Variants in PPP1R13B observed in about 807,000 individuals in gnomAD.
PPP1R13B encodes protein phosphatase 1 regulatory subunit 13B.
A neutral mutation model predicts 119.8 loss-of-function variants in PPP1R13B; 44 were observed. The ratio of observed to expected loss-of-function variants is 0.37; its 90% CI spans 0.29 to 0.47. PPP1R13B has a LOEUF of 0.47. Ranked by LOEUF, PPP1R13B falls within the 20% of genes least tolerant of loss-of-function variation. The probability of loss-of-function intolerance (pLI) is 0.99; values close to 1 mark genes in which losing one functional copy is unlikely to be tolerated. For missense variants in PPP1R13B, 1,227 were observed against 1,413.5 expected (o/e 0.87, Z 2.12); for synonymous variants, 542 against 561.5 (o/e 0.97, Z 0.49).
chr14:103,780,750 G>A (rs2085318117), intron 3 of PPP1R13B, among the ~76,000 whole-genome samples: 1 of 150,684 alleles, frequency 6.6e-6, no homozygotes, highest in Admixed American at 6.6e-5. Context: ...GGAGGCGAAG[G>A]TTGCAGCCAA....
chr14:103,845,468 T>C (rs1228691178), intron 1 of PPP1R13B, among the ~76,000 whole-genome samples: 3 of 152,206 alleles, frequency 2.0e-5, no homozygotes, highest in Non-Finnish European at 2.9e-5. Context: ...GTAATAGACC[T>C]GTTTTTTTAA....
At position 103,738,839 on chromosome 14, in the gene PPP1R13B, AT is replaced by A; in HGVS notation, c.2731-28del. 1 of 1,613,644 alleles carries A rather than the reference AT, an allele frequency of 6.2e-7. No individual in the cohort carries two copies. Among genetic ancestry groups the A allele is most frequent in the Non-Finnish European group, 8.5e-7 (1 of 1,179,700 alleles). On this transcript the variant is annotated intron_variant, in intron 13 of 16. Coordinates refer to ENST00000202556, the MANE Select transcript of PPP1R13B (RefSeq NM_015316.3). The surrounding 1 kb of genome is among the most constrained non-coding windows in gnomAD (Gnocchi z 5.6). Reference sequence around the variant, plus strand: ...TAGGACACACGGCCTGTGAGCGCCCATCCCCTCGCCCCCAGCAGCGTGCACT... The same window carrying A: ...TAGGACACACGGCCTGTGAGCGCCCACCCCTCGCCCCCAGCAGCGTGCACT...
chr14:103,797,682 A>C lies in PPP1R13B; in HGVS notation c.10-164T>G, dbSNP rs1166131319. The stretch of plus-strand genomic sequence containing the variant: ...AGCTGATTCTAAAGTTCATGTAGAA[A>C]GATGAAAAAGACAAGTCAGGAAAAT... On this transcript the variant is annotated intron_variant, in intron 1 of 16. Coordinates refer to ENST00000202556, the MANE Select transcript of PPP1R13B (RefSeq NM_015316.3). 4.7e-5 allele frequency among the ~76,000 whole-genome samples: 7 copies of C among 147,964 alleles called. No homozygotes were observed. The Admixed American group carries it at 5.0e-4, about 11-fold the overall frequency.
chr14:103,830,967 G>A (rs1367213154), intron 1 of PPP1R13B, among the ~76,000 whole-genome samples: 4 of 141,264 alleles, frequency 2.8e-5, no homozygotes, highest in East Asian at 4.1e-4. Flanking sequence ...TTTTTGAGAC[G>A]AAGTCTCACT....
Position 103,834,621 on chromosome 14 carries a change from G to A in PPP1R13B, c.9+12678C>T, listed in dbSNP as rs188293801. Among the ~76,000 whole-genome samples, 1,074 of 117,464 alleles carry A rather than the reference G, an allele frequency of 9.1e-3. 13 individuals are homozygous for A. Among genetic ancestry groups the A allele is most frequent in the African/African-American group, 0.034 (981 of 29,106 alleles). 77.1% of individuals were successfully genotyped at this position (117,464 alleles called of 152,430 possible). ...TTTTTTTTTTTTGAGACCGAGTTTC[G>A]CTCTTGTTGCCCAGGCTGGAGGGCA... On this transcript the variant is annotated intron_variant, in intron 1 of 16. Transcript: ENST00000202556.
At chr14:103,736,256 G>A in intron 15 of PPP1R13B, 54 bp from the exon 16 acceptor site, 1 of 1,565,036 alleles carries the variant, frequency 6.4e-7, no homozygotes, top group South Asian at 1.1e-5. Flanking sequence ...TGCAGCAAGG[G>A]ACCCTGCTCG....
Position 103,749,911 on chromosome 14 carries a change from T to C in PPP1R13B, c.852A>G (p.Glu284=), listed in dbSNP as rs374135998. Residue 284 remains glutamate, a synonymous_variant, in exon 8 of 17, where the codon GAA becomes GAG. Transcript: ENST00000202556. ...ELQIRNQLNQ[E]QNSKLQQQKE... ...TCTGCTGCTGAAGTTTTGAATTTTG[T>C]TCCTGGTTAAGTTGGTTACGAATCT... is the stretch of plus-strand genomic sequence containing the variant. 4.3e-6 allele frequency: 7 copies of C among 1,614,108 alleles called. No individual in the cohort carries two copies. The highest frequency in any genetic ancestry group is 3.4e-6 in the Non-Finnish European group (4 of 1,180,008).
At chr14:103,819,033 G>C (rs973940631) in intron 1 of PPP1R13B, among the ~76,000 whole-genome samples, 1 of 152,126 alleles carries the variant, frequency 6.6e-6, no homozygotes, top group African/African-American at 2.4e-5. Flanking sequence ...GGAGGAGAAA[G>C]GATGAGCCAT....
intron 1 of PPP1R13B, among the ~76,000 whole-genome samples, chr14:103,845,232 T>C (rs1325623114): frequency 1.3e-5 from 1 of 79,422 alleles, no homozygotes; most frequent in Non-Finnish European, 2.3e-5. Context: ...TTATTTACAT[T>C]TTTGGATAGT....
intron 4 of PPP1R13B, among the ~76,000 whole-genome samples, chr14:103,761,274 T>TAAAAA (rs59281762): frequency 1.9e-5 from 2 of 104,708 alleles, no homozygotes; most frequent in African/African-American, 3.9e-5. Flanking sequence ...ACCCTATATT[T>TAAAAA]AAAAAAAAAA....
chr14:103,808,591 C>A (rs1870878993), intron 1 of PPP1R13B, among the ~76,000 whole-genome samples: 1 of 152,194 alleles, frequency 6.6e-6, no homozygotes, highest in Admixed American at 6.6e-5. Flanking sequence ...AAGCTTCTTT[C>A]CACAAGGTGG....
chr14:103,757,874 A>T, intron 4 of PPP1R13B, 123 bp from the exon 5 acceptor site: 1 of 629,944 alleles, frequency 1.6e-6, no homozygotes, highest in Non-Finnish European at 2.6e-6. Flanking sequence ...AGTACCAACT[A>T]GTTTATTTTC....
At chr14:103,837,170 C>T (rs961420328) in intron 1 of PPP1R13B, among the ~76,000 whole-genome samples, 1 of 152,184 alleles carries the variant, frequency 6.6e-6, no homozygotes, top group Admixed American at 6.5e-5. Context: ...CCAGTGGGCT[C>T]AGGGTGACGC....
chr14:103,746,787 A>C, intron 8 of PPP1R13B: 1 of 354,782 alleles, frequency 2.8e-6, no homozygotes, highest in East Asian at 4.5e-5. Context: ...ACACATGAGG[A>C]GCTGATGTGA....
intron 1 of PPP1R13B, among the ~76,000 whole-genome samples, chr14:103,834,785 G>T (rs529152635): frequency 6.6e-6 from 1 of 151,686 alleles, no homozygotes; most frequent in Non-Finnish European, 1.5e-5. Flanking sequence ...TGGAGATGAG[G>T]TTTCACCATG....
At chr14:103,807,940 T>C (rs1340776481) in intron 1 of PPP1R13B, among the ~76,000 whole-genome samples, 1 of 152,100 alleles carries the variant, frequency 6.6e-6, no homozygotes, top group Non-Finnish European at 1.5e-5. Flanking sequence ...AAAAATATTC[T>C]TAAAAAAAGT....
chr14:103,739,067 G>T, intron 12 of PPP1R13B, 44 bp from the exon 13 acceptor site: 2 of 1,584,248 alleles, frequency 1.3e-6, no homozygotes, highest in Non-Finnish European at 1.7e-6. Context: ...GTGGTCCACT[G>T]AAGTCTAAGA....
At chr14:103,785,316 T>C (rs908544665) in intron 2 of PPP1R13B, among the ~76,000 whole-genome samples, 3 of 152,152 alleles carry the variant, frequency 2.0e-5, no homozygotes, top group Non-Finnish European at 4.4e-5. Flanking sequence ...GCTTCTGGGT[T>C]CAAGAGATGC....
At chr14:103,844,806 G>A (rs2086991628) in intron 1 of PPP1R13B, among the ~76,000 whole-genome samples, 2 of 152,084 alleles carry the variant, frequency 1.3e-5, no homozygotes, top group South Asian at 4.1e-4. Flanking sequence ...TATACTCTAA[G>A]CCTATGTTGT....
Sources: gnomAD v4.1 joint callset for allele counts (sites outside exome capture counted in the v4.1 genomes callset) on GRCh38, gnomAD v4.1.1 for gene constraint, Gnocchi (gnomAD v3.1) non-coding constraint, MANE v1.5 for transcripts, NCBI Gene and HGNC (gene_info 2026-07-23, HGNC 2026-07-21) for gene names.